Variants in DGAT2 observed in about 807,000 individuals in gnomAD.
The protein encoded by DGAT2 is diacylglycerol O-acyltransferase 2, also known as acyl-CoA retinol O-fatty-acyltransferase.
DGAT2 carries 33 observed loss-of-function variants against 48.4 expected under a neutral mutation model. The ratio of observed to expected loss-of-function variants is 0.68; its 90% CI spans 0.52 to 0.91. DGAT2 has a LOEUF of 0.91. Ranked by LOEUF, DGAT2 falls within the 40% of genes least tolerant of loss-of-function variation. DGAT2 has a pLI of 0.00. For missense variants in DGAT2, 446 were observed against 493.7 expected, an observed-to-expected ratio of 0.90 and a Z score of 0.92; for synonymous variants, 191 against 194.1, an observed-to-expected ratio of 0.98 and a Z score of 0.13.
rs1406501195 is a variant in DGAT2, at chr11:75,797,252, G to C, written c.729G>C (p.Glu243Asp). ...TCATCGTGGTCGGGGGTGCGGCTGA[G>C]TCTCTGAGCTCCATGCCTGGCAAGA... is the stretch of plus-strand genomic sequence containing the variant. ...AIIIVVGGAA[E>D]SLSSMPGKNA... The change falls in exon 6 of 8, where the codon GAG becomes GAC. Residue 243 changes from glutamate to aspartate, a missense_variant. By Grantham distance (45) the Glu-to-Asp change is conservative (BLOSUM62 2). Coordinates refer to ENST00000228027, the MANE Select transcript of DGAT2 (RefSeq NM_032564.5). 6.3e-7 allele frequency: 1 copy of C among 1,582,830 alleles called. No homozygotes were observed. Among genetic ancestry groups the C allele is most frequent in the South Asian group, 1.1e-5 (1 of 86,996 alleles).
intron 1 of DGAT2, among the ~76,000 whole-genome samples, chr11:75,781,421 GCCAGGCCAGCTC>G (rs900727437): frequency 1.4e-4 from 22 of 152,228 alleles, no homozygotes; most frequent in African/African-American, 5.1e-4. Context: ...AGCATCCATG[GCCAGGCCAGCTC>G]CCAGGCCACG....
At chr11:75,770,949 A>T (rs1001661771) in intron 1 of DGAT2, among the ~76,000 whole-genome samples, 1 of 152,080 alleles carries the variant, frequency 6.6e-6, no homozygotes, top group African/African-American at 2.4e-5. Flanking sequence ...ACATTTTGTT[A>T]TCTGGGCATC....
Position 75,800,610 on chromosome 11 carries a change from A to T in DGAT2, c.*102A>T. On this transcript the variant is annotated 3_prime_UTR_variant, in exon 8 of 8. Transcript: ENST00000228027. The stretch of plus-strand genomic sequence containing the variant: ...GGGTGTCTGTGGGTTATTTAAAAGA[A>T]ATTATAACAATTTTGCTAAACCATT... 1 of 1,367,250 alleles carries T rather than the reference A, an allele frequency of 7.3e-7. No homozygotes were observed. Among genetic ancestry groups the T allele is most frequent in the Non-Finnish European group, 9.8e-7 (1 of 1,020,664 alleles). 84.7% of individuals were successfully genotyped at this position (1,367,250 alleles called of 1,614,324 possible).
At chr11:75,789,873 G>A (rs1383469655) in intron 2 of DGAT2, among the ~76,000 whole-genome samples, 1 of 152,166 alleles carries the variant, frequency 6.6e-6, no homozygotes, top group East Asian at 1.9e-4. Flanking sequence ...ACAAGGAGGG[G>A]ACAGTAAGAG....
chr11:75,775,092 A>G (rs1944792081), intron 1 of DGAT2, among the ~76,000 whole-genome samples: 1 of 152,232 alleles, frequency 6.6e-6, no homozygotes, highest in Non-Finnish European at 1.5e-5. Flanking sequence ...ATGGGCTTAT[A>G]TTCCCTTTCG....
chr11:75,779,303 C>T (rs189154626), intron 1 of DGAT2, among the ~76,000 whole-genome samples: 22 of 152,276 alleles, frequency 1.4e-4, no homozygotes, highest in Non-Finnish European at 1.5e-4. Flanking sequence ...TTCCTGAAGT[C>T]CAGGTGTGGG....
Position 75,797,348 on chromosome 11 carries a change from C to A in DGAT2, c.809+16C>A, listed in dbSNP as rs192368573. 4.0e-5 allele frequency: 50 copies of A among 1,265,740 alleles called. No homozygotes were observed. The East Asian group carries it at 1.5e-3, about 39-fold the overall frequency. The allele number at this position is 1,265,740 out of a possible 1,614,324, so 78.4% of individuals were successfully genotyped here. A position where few individuals can be genotyped will look rare whatever the true frequency, so the allele number is the denominator to read the frequency against. On this transcript the variant is annotated intron_variant, in intron 6 of 7. Transcript: ENST00000228027. Reference sequence around the variant, plus strand: ...TGCGTCATGGGTGAGTGCCTCCCTACACACACACACACCCCTCCAGTGCCC... The same window carrying A: ...TGCGTCATGGGTGAGTGCCTCCCTAAACACACACACACCCCTCCAGTGCCC...
chr11:75,779,792 C>T (rs1040900006), intron 1 of DGAT2, among the ~76,000 whole-genome samples: 2 of 152,192 alleles, frequency 1.3e-5, no homozygotes, highest in East Asian at 1.9e-4. Flanking sequence ...GGTGGAGAAA[C>T]TTGTACCTAG....
chr11:75,768,917 C>CG lies in DGAT2; in HGVS notation c.-70dup. 7.3e-7 allele frequency: 1 copy of CG among 1,362,462 alleles called. No homozygotes were observed. The allele number at this position is 1,362,462 out of a possible 1,614,324, so 84.4% of individuals were successfully genotyped here. A position where few individuals can be genotyped will look rare whatever the true frequency, so the allele number is the denominator to read the frequency against. On this transcript the variant is annotated 5_prime_UTR_variant, in exon 1 of 8. Coordinates refer to ENST00000228027, the MANE Select transcript of DGAT2 (RefSeq NM_032564.5). ...TGTGCTCTGCGCGAAGCCCTGGCCCCGGGGGCCGGGGCATGGGCCAGGGGC... is the reference window on the plus strand; with the variant it reads ...TGTGCTCTGCGCGAAGCCCTGGCCCCGGGGGGCCGGGGCATGGGCCAGGGGC...
chr11:75,784,588 C>G, intron 1 of DGAT2, 30 bp from the exon 2 acceptor site: 1 of 1,612,564 alleles, frequency 6.2e-7, no homozygotes, highest in Non-Finnish European at 8.5e-7. Flanking sequence ...AGAAGGGTGA[C>G]AGTGGACTGA....
intron 1 of DGAT2, among the ~76,000 whole-genome samples, chr11:75,769,709 A>G (rs1170007340): frequency 1.3e-5 from 2 of 152,046 alleles, no homozygotes; most frequent in South Asian, 2.1e-4. Flanking sequence ...GCTTTTCCCA[A>G]GCGAGGAATA....
chr11:75,798,629 A>T (rs1278382170), intron 7 of DGAT2, among the ~76,000 whole-genome samples, 200 bp downstream of exon 7: 3 of 152,202 alleles, frequency 2.0e-5, no homozygotes, highest in Non-Finnish European at 4.4e-5. Context: ...CTATGGGATG[A>T]ACCAAGCTCT....
intron 4 of DGAT2, 67 bp from the exon 5 acceptor site, chr11:75,796,261 A>G: frequency 7.1e-7 from 1 of 1,416,860 alleles, no homozygotes; most frequent in Admixed American, 1.7e-5. Context: ...ATCCCTCCCT[A>G]CCCTCCGGGT....
At chr11:75,774,736 CAGA>C (rs1299317158) in intron 1 of DGAT2, among the ~76,000 whole-genome samples, 2 of 152,160 alleles carry the variant, frequency 1.3e-5, no homozygotes, top group Admixed American at 6.5e-5. Flanking sequence ...GTAAGTGCCC[CAGA>C]AGAACCTGTC....
In DGAT2 at chr11:75,796,091, A is replaced by G. The variant is rs939482580; in HGVS notation, c.430-237A>G. On this transcript the variant is annotated intron_variant, in intron 4 of 7. Transcript: ENST00000228027. Reference sequence around the variant, plus strand: ...TGTGCATGGCTGAAGACTGAGAGGAACAAGGGCAAACATTGCCCACCCCTT... The same window carrying G: ...TGTGCATGGCTGAAGACTGAGAGGAGCAAGGGCAAACATTGCCCACCCCTT... The G allele has an allele frequency of 1.3e-5, 7 of 541,554 alleles. No homozygotes were observed. In the African/African-American group the frequency reaches 1.3e-4, roughly 10 times the overall value. 33.5% of individuals were successfully genotyped at this position (541,554 alleles called of 1,614,324 possible).
In DGAT2 at chr11:75,768,789, C is replaced by T. The variant is rs575306291; in HGVS notation, c.-203C>T. 53 of 527,334 alleles carry T rather than the reference C, an allele frequency of 1.0e-4. No homozygotes were observed. The highest frequency in any genetic ancestry group is 6.5e-4 in the African/African-American group (33 of 50,658). 32.7% of individuals were successfully genotyped at this position (527,334 alleles called of 1,614,324 possible). ...TCCGGGACGCCAGCGCCGCGGCTGC[C>T]GCCTCTGCTGGGGTCTAGGCTGTTT... On this transcript the variant is annotated 5_prime_UTR_variant, in exon 1 of 8. Transcript: ENST00000228027.
At chr11:75,783,217 A>G (rs1014500986) in intron 1 of DGAT2, among the ~76,000 whole-genome samples, 6 of 152,198 alleles carry the variant, frequency 3.9e-5, no homozygotes, top group African/African-American at 1.4e-4. Context: ...CTGGGGTCAC[A>G]TAGTGAGTAG....
chr11:75,790,626 C>G (rs775732688), intron 3 of DGAT2, 35 bp from the exon 4 acceptor site: 5 of 1,603,460 alleles, frequency 3.1e-6, no homozygotes, highest in Non-Finnish European at 4.3e-6. Flanking sequence ...AATGTACCCC[C>G]ACCCCCACCA....
chr11:75,783,199 A>G (rs1401592466), intron 1 of DGAT2, among the ~76,000 whole-genome samples: 8 of 152,180 alleles, frequency 5.3e-5, no homozygotes, highest in Non-Finnish European at 1.2e-4. Flanking sequence ...TGAACCCTGC[A>G]AGCTTGCCTG....
Sources: allele counts gnomAD v4.1 joint callset (sites outside exome capture counted in the v4.1 genomes callset), GRCh38; gene constraint gnomAD v4.1.1; transcripts MANE v1.5; gene names NCBI Gene and HGNC (gene_info 2026-07-23, HGNC 2026-07-21).